The following BIN3 variants were observed in gnomAD, a reference collection of about 807,000 sequenced individuals.
BIN3 encodes bridging integrator 3.
A neutral mutation model predicts 38.2 loss-of-function variants in BIN3; 41 were observed. The ratio of observed to expected loss-of-function variants is 1.07; its 90% CI spans 0.84 to 1.39. The LOEUF is 1.39. Ranked by LOEUF, BIN3 falls within the 40% of genes most tolerant of loss-of-function variation. The probability of loss-of-function intolerance (pLI) is 0.00; values close to 1 mark genes in which losing one functional copy is unlikely to be tolerated. For missense variants in BIN3, 361 were observed against 324.3 expected, an observed-to-expected ratio of 1.11 and a Z score of -0.87; for synonymous variants, 145 against 122.6, an observed-to-expected ratio of 1.18 and a Z score of -1.21.
intron 1 of BIN3, among the ~76,000 whole-genome samples, chr8:22,667,278 C>T (rs1466501007): frequency 6.6e-6 from 1 of 152,036 alleles, no homozygotes; most frequent in Non-Finnish European, 1.5e-5. Flanking sequence ...GACAGGATAA[C>T]CTTTAAGGAA....
chr8:22,658,292 T>C (rs898957410), intron 1 of BIN3, among the ~76,000 whole-genome samples: 1 of 152,144 alleles, frequency 6.6e-6, no homozygotes, highest in African/African-American at 2.4e-5. Context: ...GTTCTGTGTG[T>C]ACGGAGGGCA....
intron 6 of BIN3, chr8:22,629,762 C>T: frequency 1.6e-6 from 1 of 608,962 alleles, no homozygotes; most frequent in Non-Finnish European, 2.9e-6. Context: ...CTGAGCTCGC[C>T]TGGGCCATGT....
intron 1 of BIN3, among the ~76,000 whole-genome samples, chr8:22,661,549 G>A (rs1158896248): frequency 2.0e-5 from 3 of 151,048 alleles, no homozygotes; most frequent in Admixed American, 1.3e-4. Flanking sequence ...GTAGAGATGG[G>A]GTTTCACCAT....
chr8:22,638,975 A>C (rs769386335), intron 2 of BIN3, among the ~76,000 whole-genome samples: 1 of 152,244 alleles, frequency 6.6e-6, no homozygotes, highest in Non-Finnish European at 1.5e-5. Flanking sequence ...GAGCATTTAA[A>C]GTGTTGCCTG....
chr8:22,629,482 C>G (rs1802111600), intron 6 of BIN3, among the ~76,000 whole-genome samples: 1 of 152,240 alleles, frequency 6.6e-6, no homozygotes. Flanking sequence ...AGAGGACCTT[C>G]CCGGGCCAGA....
chr8:22,668,238 A>G (rs1388986153), intron 1 of BIN3, among the ~76,000 whole-genome samples: 1 of 152,238 alleles, frequency 6.6e-6, no homozygotes, highest in East Asian at 1.9e-4. Flanking sequence ...GTGAACATAA[A>G]TAATCGAGAG....
intron 1 of BIN3, among the ~76,000 whole-genome samples, chr8:22,646,604 G>A (rs1802721674): frequency 6.6e-6 from 1 of 152,248 alleles, no homozygotes; most frequent in South Asian, 2.1e-4. Context: ...CATAATTTGG[G>A]AGTGTTAACC....
Position 22,623,901 on chromosome 8 carries a change from C to T in BIN3, c.615+14G>A. The T allele has an allele frequency of 2.5e-6, 4 of 1,610,078 alleles. No homozygotes were observed. The South Asian group carries it at 3.3e-5, about 13-fold the overall frequency. On this transcript the variant is annotated intron_variant, in intron 8 of 8. Transcript: ENST00000276416. ...GTATACCAAGCCCAGGGGAAGAGCA[C>T]CTGGCGGCCTCACCTGAGCTCGGAT...
chr8:22,652,234 T>A (rs1039760398), intron 1 of BIN3, among the ~76,000 whole-genome samples: 16 of 152,214 alleles, frequency 1.1e-4, no homozygotes, highest in African/African-American at 3.6e-4. Context: ...CTTGGATGTG[T>A]GGTAATTCTT....
intron 6 of BIN3, among the ~76,000 whole-genome samples, chr8:22,629,283 A>G (rs532944939): frequency 2.0e-5 from 3 of 151,966 alleles, no homozygotes; most frequent in Admixed American, 2.0e-4. Flanking sequence ...GGCGAACAGG[A>G]GCTTTCTAGG....
chr8:22,636,167 T>C (rs1802359306), intron 4 of BIN3, among the ~76,000 whole-genome samples: 1 of 152,210 alleles, frequency 6.6e-6, no homozygotes, highest in Admixed American at 6.5e-5. Context: ...CCACGGAGTC[T>C]CGTTTCTGCG....
Position 22,634,347 on chromosome 8 carries a change from C to T in BIN3, c.160+2178G>A, listed in dbSNP as rs968749796. The T allele has an allele frequency of 1.8e-5, 7 of 384,764 alleles. No homozygotes were observed. The Admixed American group carries it at 2.2e-4, about 12-fold the overall frequency. 23.8% of individuals were successfully genotyped at this position (384,764 alleles called of 1,614,324 possible). On this transcript the variant is annotated intron_variant, in intron 4 of 8. Coordinates refer to ENST00000276416, the MANE Select transcript of BIN3 (RefSeq NM_018688.6). ...CCAGCCCACGGCCCAGGAATTAGCA[C>T]TGGCATGAAAATTCATGGCACAGAC...
At chr8:22,636,211 C>G (rs1802360586) in intron 4 of BIN3, among the ~76,000 whole-genome samples, 2 of 152,252 alleles carry the variant, frequency 1.3e-5, no homozygotes, top group African/African-American at 4.8e-5. Flanking sequence ...CTCTGGACAG[C>G]CTGAGCCGGT....
At chr8:22,640,634 G>A (rs1802518370) in intron 2 of BIN3, among the ~76,000 whole-genome samples, 1 of 152,184 alleles carries the variant, frequency 6.6e-6, no homozygotes, top group Admixed American at 6.5e-5. Context: ...CACACAGGGG[G>A]CGCTCTTTGG....
At chr8:22,668,257 G>A (rs1163391183) in intron 1 of BIN3, among the ~76,000 whole-genome samples, 5 of 152,208 alleles carry the variant, frequency 3.3e-5, no homozygotes, top group African/African-American at 9.7e-5. Context: ...AGCAACAAAT[G>A]GGGATTGCCT....
At chr8:22,663,430 C>A (rs531443802) in intron 1 of BIN3, among the ~76,000 whole-genome samples, 215 of 134,462 alleles carry the variant, frequency 1.6e-3, no homozygotes, top group African/African-American at 5.9e-3. Context: ...GTGAGACCCC[C>A]CGATTTGTTT....
intron 1 of BIN3, among the ~76,000 whole-genome samples, chr8:22,664,047 A>C (rs1803330975): frequency 1.3e-5 from 2 of 152,246 alleles, no homozygotes; most frequent in South Asian, 4.1e-4. Flanking sequence ...AACAAGCATT[A>C]AATCAACAAA....
At chr8:22,647,714 C>T (rs1426325232) in intron 1 of BIN3, among the ~76,000 whole-genome samples, 1 of 152,148 alleles carries the variant, frequency 6.6e-6, no homozygotes, top group Non-Finnish European at 1.5e-5. Flanking sequence ...TGTATTTTCA[C>T]CACAGTTACT....
chr8:22,642,149 C>T (rs1802583197), intron 2 of BIN3, among the ~76,000 whole-genome samples: 1 of 152,156 alleles, frequency 6.6e-6, no homozygotes, highest in South Asian at 2.1e-4. Flanking sequence ...CCTGAAACTC[C>T]CTGAAGATAA....
Sources: allele counts gnomAD v4.1 joint callset (sites outside exome capture counted in the v4.1 genomes callset), GRCh38; gene constraint gnomAD v4.1.1; transcripts MANE v1.5; gene names NCBI Gene and HGNC (gene_info 2026-07-23, HGNC 2026-07-21).